The following MECOM variants were observed in gnomAD, a reference collection of about 807,000 sequenced individuals.
The protein encoded by MECOM is histone-lysine N-methyltransferase MECOM.
MECOM carries 13 observed loss-of-function variants against 116.3 expected under a neutral mutation model. The observed-to-expected ratio is 0.11, with a 90% CI of 0.07 to 0.18. MECOM has a LOEUF of 0.18. MECOM is among the 10% of genes least tolerant of loss of function. The probability of loss-of-function intolerance (pLI) is 1.00; values close to 1 mark genes in which losing one functional copy is unlikely to be tolerated. For missense variants in MECOM, 1,299 were observed against 1,509.0 expected, an observed-to-expected ratio of 0.86 and a Z score of 2.31; for synonymous variants, 528 against 535.2, an observed-to-expected ratio of 0.99 and a Z score of 0.19.
chr3:169,140,937 A>G (rs1223596135), intron 3 of MECOM, among the ~76,000 whole-genome samples: 2 of 152,116 alleles, frequency 1.3e-5, no homozygotes, highest in Non-Finnish European at 2.9e-5. Flanking sequence ...CCAGCATACA[A>G]CATTTTGACT....
intron 1 of MECOM, among the ~76,000 whole-genome samples, chr3:169,562,383 T>C (rs1576890837): frequency 6.6e-6 from 1 of 152,070 alleles, no homozygotes; most frequent in Non-Finnish European, 1.5e-5. Context: ...CCGGTCCTGC[T>C]TCTACTTGCT....
intron 1 of MECOM, among the ~76,000 whole-genome samples, chr3:169,429,201 C>T (rs1362696794): frequency 1.3e-5 from 2 of 152,168 alleles, no homozygotes; most frequent in African/African-American, 2.4e-5. Context: ...TGTATATAAG[C>T]TTTTCCTGTC....
chr3:169,566,754 T>C (rs1316134927), intron 1 of MECOM, among the ~76,000 whole-genome samples: 2 of 152,156 alleles, frequency 1.3e-5, no homozygotes, highest in Non-Finnish European at 2.9e-5. Context: ...AATAGAAAGT[T>C]ACTTGAACTT....
At chr3:169,507,701 G>A (rs1175920427) in intron 1 of MECOM, among the ~76,000 whole-genome samples, 1 of 106,404 alleles carries the variant, frequency 9.4e-6, no homozygotes, top group Non-Finnish European at 1.7e-5. Context: ...TCGCTCTTTC[G>A]CCCAGGCTGG....
chr3:169,357,028 G>A (rs560890919), intron 2 of MECOM, among the ~76,000 whole-genome samples: 1 of 151,932 alleles, frequency 6.6e-6, no homozygotes, highest in South Asian at 2.1e-4. Flanking sequence ...TGTCAACAGA[G>A]CATTGAGATC....
intron 14 of MECOM, 48 bp downstream of exon 14, chr3:169,092,910 T>C (rs770035292): frequency 2.5e-6 from 4 of 1,609,556 alleles, no homozygotes; most frequent in Non-Finnish European, 3.4e-6. Context: ...TTTTAAAACA[T>C]GTTCATTTCA....
chr3:169,203,344 G>T (rs879522732), intron 2 of MECOM, among the ~76,000 whole-genome samples: 1 of 152,020 alleles, frequency 6.6e-6, no homozygotes, highest in Non-Finnish European at 1.5e-5. Flanking sequence ...TGGTATTTAT[G>T]TTTAAATAGC....
Position 169,157,674 on chromosome 3 carries a change from G to T in MECOM, c.376-13842C>A, listed in dbSNP as rs977692435. On this transcript the variant is annotated intron_variant, in intron 2 of 16. Coordinates refer to ENST00000651503, the MANE Select transcript of MECOM (RefSeq NM_004991.4). Reference sequence around the variant, plus strand: ...CAACTTCAAATAAAATCTTAATATAGCCTGTCTATAGAATCCAGAATTAAG... The same window carrying T: ...CAACTTCAAATAAAATCTTAATATATCCTGTCTATAGAATCCAGAATTAAG... Among the ~76,000 whole-genome samples, 9 of 152,182 alleles carry T rather than the reference G, an allele frequency of 5.9e-5. No homozygotes were observed. The East Asian group carries it at 1.5e-3, about 26-fold the overall frequency.
intron 2 of MECOM, among the ~76,000 whole-genome samples, chr3:169,367,841 C>A (rs1729445769): frequency 6.6e-6 from 1 of 151,740 alleles, no homozygotes; most frequent in East Asian, 2.0e-4. Context: ...TTGTCTGGTT[C>A]CTAGGCATGT....
At chr3:169,096,002 A>C (rs1721326762) in intron 12 of MECOM, among the ~76,000 whole-genome samples, 1 of 151,968 alleles carries the variant, frequency 6.6e-6, no homozygotes. Context: ...AGCACTTATT[A>C]TTGGTTGGTT....
At chr3:169,555,786 C>A (rs1761953807) in intron 1 of MECOM, among the ~76,000 whole-genome samples, 1 of 152,182 alleles carries the variant, frequency 6.6e-6, no homozygotes, top group Non-Finnish European at 1.5e-5. Context: ...TACTTTAATA[C>A]CTGTTGGAAC....
intron 1 of MECOM, among the ~76,000 whole-genome samples, chr3:169,629,682 A>T (rs977135262): frequency 1.3e-5 from 2 of 152,102 alleles, no homozygotes; most frequent in African/African-American, 2.4e-5. Context: ...CCACCCCAAG[A>T]TCTCTCTTGC....
In MECOM at chr3:169,147,291, T is replaced by A. The variant is rs1245575249; in HGVS notation, c.376-3459A>T. Reference sequence around the variant, plus strand: ...AGGGGAGCTCTATCCCCCTTTCAGATCCTCCGCAGCGCCTTCGCGGGTCCT... The same window carrying A: ...AGGGGAGCTCTATCCCCCTTTCAGAACCTCCGCAGCGCCTTCGCGGGTCCT... On this transcript the variant is annotated intron_variant, in intron 2 of 16. Transcript: ENST00000651503. 3 of 985,374 alleles carry A rather than the reference T, an allele frequency of 3.0e-6. No homozygotes were observed. The East Asian group carries it at 3.4e-4, about 112-fold the overall frequency. 61.0% of individuals were successfully genotyped at this position (985,374 alleles called of 1,614,324 possible).
rs1425645310 is a variant in MECOM at position 169,143,869 on chromosome 3, T to C, written c.376-37A>G. The C allele has an allele frequency of 3.9e-6, 6 of 1,551,310 alleles. No homozygotes were observed. In the Admixed American group the frequency reaches 9.5e-5, roughly 24 times the overall value. The stretch of plus-strand genomic sequence containing the variant: ...AAGATGAGAACAATCAATTGCCATA[T>C]TGGCCCACTCATTAAAATAATCAGT... On this transcript the variant is annotated intron_variant, in intron 2 of 16. Transcript: ENST00000651503.
At chr3:169,265,242 T>C (rs1343810702) in intron 2 of MECOM, among the ~76,000 whole-genome samples, 1 of 152,192 alleles carries the variant, frequency 6.6e-6, no homozygotes, top group Non-Finnish European at 1.5e-5. Context: ...TTGTGGCTAA[T>C]ATATAGAACC....
Position 169,189,370 on chromosome 3 carries a change from C to T in MECOM, c.376-45538G>A, listed in dbSNP as rs532889618. On this transcript the variant is annotated intron_variant, in intron 2 of 16. Coordinates refer to ENST00000651503, the MANE Select transcript of MECOM (RefSeq NM_004991.4). ...ACTTTCATTCAGCCAACAGACTTCACCTTCAGTTAAGGCTCCTTGAGTCCC... is the reference window on the plus strand; with the variant it reads ...ACTTTCATTCAGCCAACAGACTTCATCTTCAGTTAAGGCTCCTTGAGTCCC... 5.3e-5 allele frequency among the ~76,000 whole-genome samples: 8 copies of T among 152,076 alleles called. No homozygotes were observed. In the East Asian group the frequency reaches 1.5e-3, roughly 29 times the overall value.
chr3:169,168,303 G>A (rs1743915059), intron 2 of MECOM, among the ~76,000 whole-genome samples: 1 of 148,136 alleles, frequency 6.8e-6, no homozygotes, highest in African/African-American at 2.5e-5. Flanking sequence ...CCAAAGTTCT[G>A]GGATTACAGG....
intron 1 of MECOM, among the ~76,000 whole-genome samples, chr3:169,501,640 C>T (rs530606569): frequency 2.0e-5 from 3 of 152,052 alleles, no homozygotes; most frequent in Admixed American, 6.6e-5. Flanking sequence ...ACATTCTTTC[C>T]TATGCCGTTG....
intron 1 of MECOM, among the ~76,000 whole-genome samples, chr3:169,488,893 T>C (rs1752730044): frequency 6.6e-6 from 1 of 151,752 alleles, no homozygotes; most frequent in South Asian, 2.1e-4. Flanking sequence ...TGAGTCCAAT[T>C]CAAAAATTTA....
Sources: allele counts gnomAD v4.1 joint callset (sites outside exome capture counted in the v4.1 genomes callset), GRCh38; gene constraint gnomAD v4.1.1; transcripts MANE v1.5; gene names NCBI Gene and HGNC (gene_info 2026-07-23, HGNC 2026-07-21).